The following RIPOR2 variants were observed in gnomAD, a reference collection of about 807,000 sequenced individuals.
RIPOR2 encodes the protein rho family-interacting cell polarization regulator 2.
A neutral mutation model predicts 114.5 loss-of-function variants in RIPOR2; 39 were observed. That is an observed-to-expected ratio of 0.34 (90% CI 0.26 to 0.44). The LOEUF is 0.44. Ranked by LOEUF, RIPOR2 falls within the 20% of genes least tolerant of loss-of-function variation. The pLI, the probability that RIPOR2 is intolerant of heterozygous loss-of-function variation, is 1.00. For missense variants in RIPOR2, 1,007 were observed against 1,255.1 expected (o/e 0.80, Z 2.99); for synonymous variants, 445 against 484.4 (o/e 0.92, Z 1.07).
intron 12 of RIPOR2, among the ~76,000 whole-genome samples, chr6:24,844,233 C>T (rs1326322478): frequency 1.3e-5 from 2 of 152,196 alleles, no homozygotes; most frequent in Non-Finnish European, 2.9e-5. Context: ...AACACCAAGT[C>T]ATCTGTCAAG....
At chr6:24,936,317 G>A (rs1771806132), upstream of RIPOR2, among the ~76,000 whole-genome samples, 1 of 152,138 alleles carries the variant, frequency 6.6e-6, no homozygotes, top group Admixed American at 6.5e-5. Flanking sequence ...CTCATATCTT[G>A]GTTTTGCTTC....
chr6:24,950,527 C>T (rs908231456), intron 1 of RIPOR2, among the ~76,000 whole-genome samples: 13 of 152,172 alleles, frequency 8.5e-5, no homozygotes, highest in African/African-American at 2.7e-4. Flanking sequence ...CTTCTGTTTT[C>T]CTTACGAAGT....
chr6:24,938,046 C>G (rs1473430175), upstream of RIPOR2, among the ~76,000 whole-genome samples: 8 of 152,086 alleles, frequency 5.3e-5, no homozygotes, highest in Non-Finnish European at 1.2e-4. Context: ...TTGTGTCTCC[C>G]CTGTTGAATT....
chr6:24,984,757 T>A (rs899527646), intron 1 of RIPOR2, among the ~76,000 whole-genome samples: 6 of 152,178 alleles, frequency 3.9e-5, no homozygotes, highest in Admixed American at 3.9e-4. Flanking sequence ...TTTACATGAA[T>A]TCACCCATGA....
chr6:24,995,832 C>T (rs1353926954), intron 1 of RIPOR2, among the ~76,000 whole-genome samples: 8 of 142,888 alleles, frequency 5.6e-5, no homozygotes, highest in East Asian at 2.1e-4. Flanking sequence ...GATGGAATCT[C>T]GCTCTGTCGC....
chr6:24,809,813 G>C lies in RIPOR2; in HGVS notation c.2953-6C>G, dbSNP rs1335994465. On this transcript the variant is annotated splice_polypyrimidine_tract_variant and splice_region_variant and intron_variant, in intron 20 of 21. Transcript: ENST00000643898. ...ATTTTAATGCTTTCAGTAGCCTATGGGGGAAAAATAGGTTAAATCGTGTTT... is the reference window on the plus strand; with the variant it reads ...ATTTTAATGCTTTCAGTAGCCTATGCGGGAAAAATAGGTTAAATCGTGTTT... The C allele has an allele frequency of 6.6e-7, 1 of 1,525,974 alleles. No individual in the cohort carries two copies. The highest frequency in any genetic ancestry group is 8.9e-7 in the Non-Finnish European group (1 of 1,123,612). The allele number at this position is 1,525,974 out of a possible 1,614,324, so 94.5% of individuals were successfully genotyped here.
chr6:24,979,497 T>G (rs1774209812), intron 1 of RIPOR2, among the ~76,000 whole-genome samples: 1 of 152,132 alleles, frequency 6.6e-6, no homozygotes, highest in African/African-American at 2.4e-5. Context: ...TAATATGAAT[T>G]GAATCGCATT....
chr6:25,029,333 C>T (rs1023400063), intron 1 of RIPOR2, among the ~76,000 whole-genome samples: 1 of 131,650 alleles, frequency 7.6e-6, no homozygotes, highest in Non-Finnish European at 1.6e-5. Flanking sequence ...ACCCGGGAGG[C>T]GGAGCTTGCT....
chr6:24,999,616 C>A (rs1233865420), intron 1 of RIPOR2, among the ~76,000 whole-genome samples: 1 of 150,174 alleles, frequency 6.7e-6, no homozygotes, highest in Admixed American at 6.6e-5. Flanking sequence ...AGCACAGTGG[C>A]ATGATCTCGG....
intron 1 of RIPOR2, among the ~76,000 whole-genome samples, chr6:24,882,810 C>T (rs1562309336): frequency 6.6e-6 from 1 of 152,176 alleles, no homozygotes; most frequent in African/African-American, 2.4e-5. Context: ...TATCAATTAG[C>T]TTTTTAACAA....
intron 1 of RIPOR2, among the ~76,000 whole-genome samples, chr6:24,987,314 C>T (rs12200203): frequency 1.3e-5 from 2 of 152,184 alleles, no homozygotes; most frequent in East Asian, 3.9e-4. Flanking sequence ...TCTCAGTTTC[C>T]TCAGCAGTCA....
intron 1 of RIPOR2, among the ~76,000 whole-genome samples, chr6:24,970,099 G>A (rs779304368): frequency 2.0e-5 from 3 of 151,990 alleles, no homozygotes; most frequent in Non-Finnish European, 4.4e-5. Context: ...CTGGGAAAGG[G>A]AAGGAAAGAG....
intron 1 of RIPOR2, among the ~76,000 whole-genome samples, chr6:25,034,519 G>A (rs571581651): frequency 1.3e-5 from 2 of 152,194 alleles, no homozygotes; most frequent in South Asian, 2.1e-4. Context: ...TAATGCTTCT[G>A]AGAAAATTTG....
chr6:24,957,988 T>A (rs193217128), intron 1 of RIPOR2, among the ~76,000 whole-genome samples: 290 of 152,294 alleles, frequency 1.9e-3, no homozygotes, highest in African/African-American at 6.2e-3. Context: ...GAGTGTATGA[T>A]GGTGACAAGT....
At chr6:24,903,595 CTTAT>C (rs2114026860) in intron 1 of RIPOR2, among the ~76,000 whole-genome samples, 1 of 150,496 alleles carries the variant, frequency 6.6e-6, no homozygotes, top group African/African-American at 2.4e-5. Flanking sequence ...TTTTTTTTAA[CTTAT>C]TTATTTTTTA....
At chr6:24,989,174 A>G (rs752023180) in intron 1 of RIPOR2, among the ~76,000 whole-genome samples, 3 of 152,084 alleles carry the variant, frequency 2.0e-5, no homozygotes, top group Non-Finnish European at 2.9e-5. Context: ...CATGTTATTT[A>G]ATTTCTAGGA....
At chr6:25,009,168 G>A (rs868473583) in intron 1 of RIPOR2, among the ~76,000 whole-genome samples, 9 of 152,158 alleles carry the variant, frequency 5.9e-5, no homozygotes, top group East Asian at 1.9e-4. Flanking sequence ...CAAGCCCCTC[G>A]CAGTAGGGAG....
intron 6 of RIPOR2, among the ~76,000 whole-genome samples, chr6:24,868,287 G>C (rs1247225580): frequency 6.6e-6 from 1 of 152,156 alleles, no homozygotes; most frequent in East Asian, 1.9e-4. Flanking sequence ...TCACATAGAT[G>C]ACATAGCAAG....
At chr6:24,938,540 A>G (rs1303915790), upstream of RIPOR2, among the ~76,000 whole-genome samples, 2 of 152,246 alleles carry the variant, frequency 1.3e-5, no homozygotes, top group African/African-American at 4.8e-5. Context: ...AGAAGCTGAC[A>G]CAGTACATGG....
Sources: allele counts gnomAD v4.1 joint callset (sites outside exome capture counted in the v4.1 genomes callset), GRCh38; gene constraint gnomAD v4.1.1; transcripts MANE v1.5; gene names NCBI Gene and HGNC (gene_info 2026-07-23, HGNC 2026-07-21).